The following ZDHHC15 variants were observed in gnomAD, a reference collection of about 807,000 sequenced individuals.
ZDHHC15 encodes zDHHC palmitoyltransferase 15.
Under a neutral mutation model 31.7 loss-of-function variants are expected in ZDHHC15, and 19 were observed. The ratio of observed to expected loss-of-function variants is 0.60; its 90% confidence interval spans 0.42 to 0.88. The LOEUF (loss-of-function observed/expected upper bound fraction) is 0.88. Ranked by LOEUF, ZDHHC15 falls within the 40% of genes least tolerant of loss-of-function variation. The pLI is 0.00. For synonymous variants in ZDHHC15, 103 were observed against 90.0 expected (o/e 1.14, Z -0.82); for missense variants, 209 against 251.2 (o/e 0.83, Z 1.14).
At chrX:75,506,615 C>A (rs766671407) in intron 1 of ZDHHC15, among the ~76,000 whole-genome samples, 7 of 111,273 alleles carry the variant, frequency 6.3e-5, no homozygotes, top group African/African-American at 2.3e-4. Flanking sequence ...GTTAAACAAC[C>A]AATACTGGTT....
intron 11 of ZDHHC15, among the ~76,000 whole-genome samples, chrX:75,377,731 A>C (rs1360128177): frequency 9.0e-6 from 1 of 110,963 alleles, no homozygotes; most frequent in Non-Finnish European, 1.9e-5. Context: ...AAAAGAAAGG[A>C]TCCAACAGTT....
intron 10 of ZDHHC15, among the ~76,000 whole-genome samples, chrX:75,388,163 C>T (rs1226673907): frequency 8.9e-6 from 1 of 112,275 alleles, no homozygotes; most frequent in Non-Finnish European, 1.9e-5. Flanking sequence ...AATTAACCAT[C>T]ACCAGACCAA....
chrX:75,386,825 TAGAG>T (rs1317612393), intron 10 of ZDHHC15, among the ~76,000 whole-genome samples: 1 of 111,799 alleles, frequency 8.9e-6, no homozygotes, highest in Non-Finnish European at 1.9e-5. Context: ...ACTATACTGA[TAGAG>T]AGTAACTGGA....
chrX:75,439,073 C>T (rs987038943), intron 4 of ZDHHC15, among the ~76,000 whole-genome samples: 7 of 111,400 alleles, frequency 6.3e-5, no homozygotes, highest in Non-Finnish European at 1.1e-4. Flanking sequence ...GCTTTTGCCT[C>T]ACAGCTCTTA....
intron 3 of ZDHHC15, among the ~76,000 whole-genome samples, chrX:75,460,313 G>T (rs1200472601): frequency 9.0e-6 from 1 of 110,763 alleles, no homozygotes; most frequent in Non-Finnish European, 1.9e-5. Flanking sequence ...CAGGGGGAGG[G>T]GTGGCTGTTA....
At chrX:75,488,202 C>T (rs976285212) in intron 2 of ZDHHC15, among the ~76,000 whole-genome samples, 1 of 111,257 alleles carries the variant, frequency 9.0e-6, no homozygotes, top group Non-Finnish European at 1.9e-5. Flanking sequence ...AAAGATCATC[C>T]CTAGGCATAC....
chrX:75,521,956 C>T (rs1338169969), intron 1 of ZDHHC15, among the ~76,000 whole-genome samples: 1 of 110,545 alleles, frequency 9.0e-6, no homozygotes, highest in Admixed American at 9.6e-5. Flanking sequence ...TTACGGAAAC[C>T]CTTGTGGGAG....
intron 10 of ZDHHC15, among the ~76,000 whole-genome samples, chrX:75,380,665 A>G (rs994077246): frequency 3.6e-5 from 4 of 110,918 alleles, no homozygotes; most frequent in Non-Finnish European, 7.6e-5. Flanking sequence ...GAAGATACCT[A>G]AAAAAAATCA....
chrX:75,431,782 T>A (rs968468064), intron 4 of ZDHHC15, among the ~76,000 whole-genome samples: 1 of 111,555 alleles, frequency 9.0e-6, no homozygotes, highest in Non-Finnish European at 1.9e-5. Context: ...AGATCTTTCA[T>A]TATAAAACAA....
intron 10 of ZDHHC15, chrX:75,384,671 T>C (rs1602544294): frequency 2.4e-6 from 2 of 817,001 alleles, no homozygotes; most frequent in Non-Finnish European, 3.7e-6. Context: ...CTGAAACGCA[T>C]GAATGAAAAT....
At chrX:75,446,520 T>C (rs960637300) in intron 4 of ZDHHC15, among the ~76,000 whole-genome samples, 1 of 112,408 alleles carries the variant, frequency 8.9e-6, no homozygotes, top group Non-Finnish European at 1.9e-5. Context: ...AAGACTTCTC[T>C]GAATGGAAAA....
At chrX:75,373,423 T>C (rs962080521) in intron 11 of ZDHHC15, among the ~76,000 whole-genome samples, 33 of 111,436 alleles carry the variant, frequency 3.0e-4, no homozygotes, top group Non-Finnish European at 6.0e-4. Context: ...GTAAAACTGG[T>C]ATAATATAAT....
At chrX:75,520,154 A>G (rs1019756576) in intron 1 of ZDHHC15, among the ~76,000 whole-genome samples, 4 of 112,246 alleles carry the variant, frequency 3.6e-5, no homozygotes, top group Non-Finnish European at 3.8e-5. Flanking sequence ...AAGTTGTTAT[A>G]AAGATTAAGT....
At chrX:75,509,526 CACTT>C (rs754206090) in intron 1 of ZDHHC15, among the ~76,000 whole-genome samples, 22 of 111,784 alleles carry the variant, frequency 2.0e-4, no homozygotes, top group African/African-American at 6.8e-4. Context: ...GATAAGCACT[CACTT>C]ACAACATGAA....
At chrX:75,443,699 A>C (rs1372591079) in intron 4 of ZDHHC15, among the ~76,000 whole-genome samples, 3 of 112,142 alleles carry the variant, frequency 2.7e-5, no homozygotes, top group African/African-American at 9.7e-5. Context: ...AATGGGAGAA[A>C]ATCTTTGCAA....
intron 4 of ZDHHC15, among the ~76,000 whole-genome samples, chrX:75,434,393 C>A (rs2083822886): frequency 1.8e-5 from 2 of 111,920 alleles, no homozygotes; most frequent in Non-Finnish European, 3.8e-5. Flanking sequence ...GGTTCTTGGT[C>A]ATGAACTATT....
intron 4 of ZDHHC15, among the ~76,000 whole-genome samples, chrX:75,437,263 T>C (rs1395892444): frequency 7.3e-5 from 2 of 27,533 alleles, no homozygotes; most frequent in East Asian, 8.3e-3. Context: ...TTGACTTTCT[T>C]TTTTTTGTTT....
At chrX:75,454,616 GA>G (rs759960388) in intron 3 of ZDHHC15, among the ~76,000 whole-genome samples, 210 of 111,380 alleles carry the variant, frequency 1.9e-3, no homozygotes, top group African/African-American at 6.6e-3. Context: ...ACTTTTTAAT[GA>G]TTGCCATTCT....
chrX:75,435,697 G>A (rs762409243), intron 4 of ZDHHC15, among the ~76,000 whole-genome samples: 1 of 112,160 alleles, frequency 8.9e-6, no homozygotes, highest in Admixed American at 9.5e-5. Context: ...AAACCCACAT[G>A]ATGATGATGG....
Sources: allele counts gnomAD v4.1 joint callset (sites outside exome capture counted in the v4.1 genomes callset), GRCh38; gene constraint gnomAD v4.1.1; transcripts MANE v1.5; gene names NCBI Gene and HGNC (gene_info 2026-07-23, HGNC 2026-07-21).